Variants in CMC1 observed in about 807,000 individuals in gnomAD.
The protein encoded by CMC1 is C-X9-C motif containing 1.
In CMC1, 14 loss-of-function variants were observed where a neutral mutation model predicts 14.1. That is an observed-to-expected ratio of 0.99 (90% CI 0.66 to 1.55). The LOEUF (loss-of-function observed/expected upper bound fraction) is 1.55, where lower values mean the gene tolerates loss of function less well. CMC1 is among the 40% of genes most tolerant of loss of function. The probability of loss-of-function intolerance (pLI) is 0.00; values close to 1 mark genes in which losing one functional copy is unlikely to be tolerated. For synonymous variants in CMC1, 50 were observed against 38.4 expected (o/e 1.30, Z -1.12); for missense variants, 127 against 123.8 (o/e 1.03, Z -0.12).
intron 2 of CMC1, among the ~76,000 whole-genome samples, chr3:28,305,480 A>C (rs952201712): frequency 1.3e-5 from 2 of 152,122 alleles, no homozygotes; most frequent in African/African-American, 2.4e-5. Context: ...TAGTTCTTTT[A>C]GAAATCTCCA....
chr3:28,273,373 T>G (rs1312468655), intron 2 of CMC1, among the ~76,000 whole-genome samples: 1 of 152,212 alleles, frequency 6.6e-6, no homozygotes, highest in Non-Finnish European at 1.5e-5. Flanking sequence ...CAGGAGCTAG[T>G]TGTTCAATTT....
intron 2 of CMC1, among the ~76,000 whole-genome samples, chr3:28,273,423 T>G (rs1700401350): frequency 1.3e-5 from 2 of 152,226 alleles, no homozygotes; most frequent in South Asian, 4.1e-4. Flanking sequence ...AGTGGTTTTC[T>G]TAATCTTGAG....
chr3:28,324,793 G>A lies in CMC1; in HGVS notation c.*5164G>A, dbSNP rs1469323940. On this transcript the variant is annotated 3_prime_UTR_variant, in exon 4 of 4. Coordinates refer to ENST00000466830, the MANE Select transcript of CMC1 (RefSeq NM_182523.2). ...TTTTTAAAAGTTGGAAACTAATACAGTTAAAATACAAATAAAGATCCTGTT... is the reference window on the plus strand; with the variant it reads ...TTTTTAAAAGTTGGAAACTAATACAATTAAAATACAAATAAAGATCCTGTT... The A allele has an allele frequency of 5.5e-6, 1 of 182,714 alleles. No homozygotes were observed. The highest frequency in any genetic ancestry group is 2.3e-5 in the African/African-American group (1 of 42,570). 11.3% of individuals were successfully genotyped at this position (182,714 alleles called of 1,614,324 possible).
At chr3:28,272,650 A>T (rs944598650) in intron 2 of CMC1, among the ~76,000 whole-genome samples, 7 of 151,772 alleles carry the variant, frequency 4.6e-5, no homozygotes, top group Non-Finnish European at 8.8e-5. Flanking sequence ...TTTCACATTG[A>T]TCTTCATCAG....
intron 2 of CMC1, among the ~76,000 whole-genome samples, chr3:28,308,781 G>A (rs923077350): frequency 1.3e-5 from 2 of 152,002 alleles, no homozygotes; most frequent in African/African-American, 2.4e-5. Flanking sequence ...TCAGGTGATC[G>A]AGACCATCCT....
intron 2 of CMC1, among the ~76,000 whole-genome samples, chr3:28,311,674 G>T (rs17021353): frequency 4.3e-4 from 65 of 152,232 alleles, no homozygotes; most frequent in African/African-American, 1.4e-3. Context: ...GCACTTAGGC[G>T]TCGTCTATAG....
In CMC1 at chr3:28,323,215, TACAC is replaced by T. The variant is rs878973996; in HGVS notation, c.*3590_*3593del. The T allele has an allele frequency of 1.3e-5, 2 of 151,234 alleles. No homozygotes were observed. The highest frequency in any genetic ancestry group is 6.6e-5 in the Admixed American group (1 of 15,124). The allele number at this position is 151,234 out of a possible 1,614,324, so 9.4% of individuals were successfully genotyped here. ...TTTGAAGAAAATGACTTTTTATCATTACACACATTTATGTTTATATTATGGCCCA... is the reference window on the plus strand; with the variant it reads ...TTTGAAGAAAATGACTTTTTATCATTACATTTATGTTTATATTATGGCCCA... On this transcript the variant is annotated 3_prime_UTR_variant, in exon 4 of 4. Coordinates refer to ENST00000466830, the MANE Select transcript of CMC1 (RefSeq NM_182523.2).
At chr3:28,295,365 T>C (rs533337031) in intron 2 of CMC1, among the ~76,000 whole-genome samples, 3 of 142,902 alleles carry the variant, frequency 2.1e-5, no homozygotes, top group Admixed American at 7.0e-5. Context: ...CCATTTTCCT[T>C]GAAAATATTT....
chr3:28,320,895 T>G lies in CMC1; in HGVS notation c.*1266T>G, dbSNP rs1703165654. On this transcript the variant is annotated 3_prime_UTR_variant, in exon 4 of 4. Transcript: ENST00000466830. The stretch of plus-strand genomic sequence containing the variant: ...TTTCAAGATAAGTAAATTTTACGTA[T>G]ATTTTCACAGTCCTCATTAAAATCA... The G allele has an allele frequency of 6.6e-6, 1 of 151,422 alleles. No homozygotes were observed. The highest frequency in any genetic ancestry group is 1.5e-5 in the Non-Finnish European group (1 of 67,614). 9.4% of individuals were successfully genotyped at this position (151,422 alleles called of 1,614,324 possible).
chr3:28,275,744 G>T (rs911073034), intron 2 of CMC1, among the ~76,000 whole-genome samples: 4 of 152,104 alleles, frequency 2.6e-5, no homozygotes, highest in Non-Finnish European at 5.9e-5. Context: ...TGAGGAGATC[G>T]TAGCCGCCCT....
chr3:28,272,841 C>T (rs1012461451), intron 2 of CMC1, among the ~76,000 whole-genome samples: 14 of 152,212 alleles, frequency 9.2e-5, no homozygotes, highest in African/African-American at 2.9e-4. Flanking sequence ...CCCACCACCA[C>T]GCCTGGCAAA....
chr3:28,245,576 T>A lies in CMC1; in HGVS notation c.19+3764T>A, dbSNP rs1216133615. 5.9e-5 allele frequency among the ~76,000 whole-genome samples: 9 copies of A among 152,340 alleles called. No individual in the cohort carries two copies. In the East Asian group the frequency reaches 1.7e-3, roughly 29 times the overall value. Reference sequence around the variant, plus strand: ...CCTTAATCAGGTGTGTGTGTGTCCCTGTGTCCTTCTATTGCTGTTTTTTTC... The same window carrying A: ...CCTTAATCAGGTGTGTGTGTGTCCCAGTGTCCTTCTATTGCTGTTTTTTTC... On this transcript the variant is annotated intron_variant, in intron 1 of 3. Transcript: ENST00000466830.
intron 1 of CMC1, chr3:28,253,708 C>T (rs201298827): frequency 9.5e-6 from 12 of 1,258,526 alleles, no homozygotes; most frequent in Admixed American, 9.3e-5. Flanking sequence ...TTATTACAAG[C>T]ATTTTTCATG....
At chr3:28,249,295 C>A (rs1344505772) in intron 1 of CMC1, among the ~76,000 whole-genome samples, 1 of 152,178 alleles carries the variant, frequency 6.6e-6, no homozygotes, top group Non-Finnish European at 1.5e-5. Flanking sequence ...TTGACTGATT[C>A]ATTATTGTAT....
At chr3:28,300,560 T>G (rs111305204) in intron 2 of CMC1, among the ~76,000 whole-genome samples, 1,682 of 151,596 alleles carry the variant, frequency 0.011, 28 homozygotes, top group African/African-American at 0.039. Context: ...GACCCCACTC[T>G]CCCCTCTCCA....
chr3:28,319,011 A>C (rs143034478), intron 3 of CMC1: 112 of 290,596 alleles, frequency 3.9e-4, no homozygotes, highest in African/African-American at 2.3e-3. Flanking sequence ...TCCTATGTGC[A>C]TAATCTGCTA....
At chr3:28,285,716 A>G (rs1304415702) in intron 2 of CMC1, among the ~76,000 whole-genome samples, 1 of 150,708 alleles carries the variant, frequency 6.6e-6, no homozygotes, top group Non-Finnish European at 1.5e-5. Flanking sequence ...CTTTTGGACC[A>G]AGTTATCAGT....
At chr3:28,292,451 A>G (rs527382835) in intron 2 of CMC1, among the ~76,000 whole-genome samples, 1 of 152,218 alleles carries the variant, frequency 6.6e-6, no homozygotes, top group South Asian at 2.1e-4. Flanking sequence ...GTTGCTAGGT[A>G]AAGCTTTTTC....
In CMC1 at chr3:28,324,375, G is replaced by A. The variant is rs776260141; in HGVS notation, c.*4746G>A. On this transcript the variant is annotated 3_prime_UTR_variant, in exon 4 of 4. Coordinates refer to ENST00000466830, the MANE Select transcript of CMC1 (RefSeq NM_182523.2). ...TTGGTAAGAGAGGGGGATGTCTTGT[G>A]TATGTTGCAGTAAAATTCATCAAGT... 3 of 1,571,552 alleles carry A rather than the reference G, an allele frequency of 1.9e-6. No individual in the cohort carries two copies. The East Asian group carries it at 6.7e-5, about 35-fold the overall frequency.
Sources: gnomAD v4.1 joint callset for allele counts (sites outside exome capture counted in the v4.1 genomes callset) on GRCh38, gnomAD v4.1.1 for gene constraint, MANE v1.5 for transcripts, NCBI Gene and HGNC (gene_info 2026-07-23, HGNC 2026-07-21) for gene names.